RNF2: variants seen among roughly 807,000 people sequenced by gnomAD.
The protein encoded by RNF2 is ring finger protein 2, also known as E3 ubiquitin-protein ligase RING2.
A neutral mutation model predicts 37.2 loss-of-function variants in RNF2; 6 were observed. The observed-to-expected ratio is 0.16, with a 90% CI of 0.09 to 0.32. The LOEUF is 0.32. Ranked by LOEUF, RNF2 falls within the 10% of genes least tolerant of loss-of-function variation. RNF2 has a pLI of 1.00. For missense variants in RNF2, 251 were observed against 404.0 expected (o/e 0.62, Z 3.25); for synonymous variants, 133 against 132.7 (o/e 1.00, Z -0.02).
intron 1 of RNF2, among the ~76,000 whole-genome samples, chr1:185,083,713 C>G (rs1406102869): frequency 2.6e-5 from 4 of 151,676 alleles, no homozygotes; most frequent in Non-Finnish European, 4.4e-5. Flanking sequence ...TCTCAGCTCA[C>G]TACAACCTCA....
At chr1:185,094,874 G>A (rs1651868254) in intron 4 of RNF2, among the ~76,000 whole-genome samples, 1 of 152,156 alleles carries the variant, frequency 6.6e-6, no homozygotes, top group African/African-American at 2.4e-5. Context: ...TAATAGTAAA[G>A]TCCATCTCAG....
rs1650958782 is a variant in RNF2, at chr1:185,071,078, G to A, written c.-2-16474G>A. ...AGTGAGTATTTGTGTGGAAATGATGGAATAAAGGAGGGAGGGTAGGCAGTG... is the reference window on the plus strand; with the variant it reads ...AGTGAGTATTTGTGTGGAAATGATGAAATAAAGGAGGGAGGGTAGGCAGTG... On this transcript the variant is annotated intron_variant, in intron 1 of 6. Coordinates refer to ENST00000367510, the MANE Select transcript of RNF2 (RefSeq NM_007212.4). Among the ~76,000 whole-genome samples the A allele has an allele frequency of 2.0e-5, 3 of 152,280 alleles. No individual in the cohort carries two copies. In the South Asian group the frequency reaches 6.2e-4, roughly 32 times the overall value.
At chr1:185,072,811 G>A (rs1427682084) in intron 1 of RNF2, among the ~76,000 whole-genome samples, 1 of 152,020 alleles carries the variant, frequency 6.6e-6, no homozygotes, top group African/African-American at 2.4e-5. Flanking sequence ...ATAGTGGCAC[G>A]CGCCTGTAGT....
intron 1 of RNF2, among the ~76,000 whole-genome samples, chr1:185,080,828 T>TAATA (rs1216138856): frequency 2.6e-5 from 4 of 152,186 alleles, no homozygotes; most frequent in African/African-American, 9.7e-5. Flanking sequence ...TCTAGAAATA[T>TAATA]AATACTTCAG....
rs11432393 is a variant in RNF2, at chr1:185,100,543, GT to G, written c.*253del. On this transcript the variant is annotated 3_prime_UTR_variant, in exon 7 of 7. Transcript: ENST00000367510. ...AAAAAATATATCTGAAGTTTCTTGT[GT>G]TTTTTTTTTTCCCCACAAAGTGTGT... The G allele has an allele frequency of 2.8e-3, 702 of 251,460 alleles. No homozygotes were observed. Among genetic ancestry groups the G allele is most frequent in the East Asian group, 5.2e-3 (79 of 15,334 alleles). 15.6% of individuals were successfully genotyped at this position (251,460 alleles called of 1,614,324 possible). A position where few individuals can be genotyped will look rare whatever the true frequency, so the allele number is the denominator to read the frequency against.
intron 1 of RNF2, among the ~76,000 whole-genome samples, chr1:185,075,498 T>C (rs967962027): frequency 3.9e-5 from 6 of 152,250 alleles, no homozygotes; most frequent in African/African-American, 1.4e-4. Context: ...CTTGCATTGC[T>C]GTGTAACTCC....
chr1:185,100,386 C>G lies in RNF2; in HGVS notation c.*85C>G. 1 of 828,122 alleles carries G rather than the reference C, an allele frequency of 1.2e-6. No individual in the cohort carries two copies. Among genetic ancestry groups the G allele is most frequent in the East Asian group, 2.6e-5 (1 of 38,532 alleles). 51.3% of individuals were successfully genotyped at this position (828,122 alleles called of 1,614,324 possible). A position where few individuals can be genotyped will look rare whatever the true frequency, so the allele number is the denominator to read the frequency against. On this transcript the variant is annotated 3_prime_UTR_variant, in exon 7 of 7. Transcript: ENST00000367510. ...GATGTACTGGCATTACTTTTATGGACAGATCTTGGATATGTTGTTCAATTT... is the reference window on the plus strand; with the variant it reads ...GATGTACTGGCATTACTTTTATGGAGAGATCTTGGATATGTTGTTCAATTT...
chr1:185,070,803 C>A (rs1042234188), intron 1 of RNF2, among the ~76,000 whole-genome samples: 1 of 151,786 alleles, frequency 6.6e-6, no homozygotes, highest in African/African-American at 2.4e-5. Context: ...CTCGCCGGCT[C>A]ATTTTTTTAT....
chr1:185,051,429 CCTCA>C (rs1182331852), intron 1 of RNF2, among the ~76,000 whole-genome samples: 1 of 152,122 alleles, frequency 6.6e-6, no homozygotes, highest in African/African-American at 2.4e-5. Context: ...AAAATGCCAG[CCTCA>C]CTGACTTTAC....
In RNF2 at chr1:185,098,754, T is replaced by C. The variant is rs551845848; in HGVS notation, c.737+410T>C. On this transcript the variant is annotated intron_variant, in intron 5 of 6. Transcript: ENST00000367510. ...TATTATGTTTTAAAAATCCTCAAAT[T>C]AACTTTTTTTTTTTTTGAGATGGAG... Among the ~76,000 whole-genome samples, 13 of 152,144 alleles carry C rather than the reference T, an allele frequency of 8.5e-5. No individual in the cohort carries two copies. The South Asian group carries it at 2.5e-3, about 29-fold the overall frequency.
intron 5 of RNF2, among the ~76,000 whole-genome samples, chr1:185,099,398 A>G (rs1427284480): frequency 6.6e-6 from 1 of 152,238 alleles, no homozygotes; most frequent in African/African-American, 2.4e-5. Flanking sequence ...ATTCTTAGAC[A>G]ATAAGAAATT....
intron 1 of RNF2, among the ~76,000 whole-genome samples, chr1:185,060,195 CTTT>C (rs1650557286): frequency 6.6e-6 from 1 of 152,318 alleles, no homozygotes; most frequent in Non-Finnish European, 1.5e-5. Context: ...TTTGGTTTGT[CTTT>C]AATTCAGATC....
At chr1:185,057,311 T>A (rs1285053356) in intron 1 of RNF2, among the ~76,000 whole-genome samples, 1 of 152,046 alleles carries the variant, frequency 6.6e-6, no homozygotes, top group Non-Finnish European at 1.5e-5. Context: ...AAAAAATAAA[T>A]AAATAAATAA....
chr1:185,096,044 T>A (rs1372678042), intron 4 of RNF2, among the ~76,000 whole-genome samples: 1 of 152,204 alleles, frequency 6.6e-6, no homozygotes, highest in Non-Finnish European at 1.5e-5. Context: ...TTAATATAGC[T>A]CTGTCACATC....
chr1:185,091,286 A>G (rs1651758769), intron 2 of RNF2, among the ~76,000 whole-genome samples: 1 of 152,222 alleles, frequency 6.6e-6, no homozygotes, highest in Admixed American at 6.5e-5. Context: ...TATGATTCCA[A>G]ATTCAATTTT....
chr1:185,082,255 T>C (rs1481883294), intron 1 of RNF2, among the ~76,000 whole-genome samples: 3 of 152,002 alleles, frequency 2.0e-5, no homozygotes, highest in Non-Finnish European at 2.9e-5. Context: ...GAGGATCAGC[T>C]TCTATGATTG....
chr1:185,101,619 G>A lies in RNF2; in HGVS notation c.*1318G>A, dbSNP rs1652078853. The A allele has an allele frequency of 6.6e-6, 1 of 152,338 alleles. No individual in the cohort carries two copies. The highest frequency in any genetic ancestry group is 2.4e-5 in the African/African-American group (1 of 41,394). 9.4% of individuals were successfully genotyped at this position (152,338 alleles called of 1,614,324 possible). A position where few individuals can be genotyped will look rare whatever the true frequency, so the allele number is the denominator to read the frequency against. ...GTATTTAAAAAGACATGTTTGCATT[G>A]AGAAATTAACCCTAAAGGGTTTTCA... On this transcript the variant is annotated 3_prime_UTR_variant, in exon 7 of 7. Coordinates refer to ENST00000367510, the MANE Select transcript of RNF2 (RefSeq NM_007212.4).
At chr1:185,078,861 A>G (rs904146463) in intron 1 of RNF2, among the ~76,000 whole-genome samples, 14 of 152,238 alleles carry the variant, frequency 9.2e-5, no homozygotes, top group Admixed American at 3.3e-4. Context: ...CCTAGCCAAC[A>G]TGGTGAAACC....
chr1:185,094,090 T>G (rs1056080549), intron 4 of RNF2, among the ~76,000 whole-genome samples: 1 of 152,138 alleles, frequency 6.6e-6, no homozygotes, highest in Non-Finnish European at 1.5e-5. Flanking sequence ...TTGATGGCAA[T>G]TCCATCATTC....
Sources: gnomAD v4.1 joint callset for allele counts (sites outside exome capture counted in the v4.1 genomes callset) on GRCh38, gnomAD v4.1.1 for gene constraint, MANE v1.5 for transcripts, NCBI Gene and HGNC (gene_info 2026-07-23, HGNC 2026-07-21) for gene names.